SLC24A3: variants seen among roughly 807,000 people sequenced by gnomAD.
SLC24A3 encodes the protein solute carrier family 24 member 3.
Under a neutral mutation model 75.8 loss-of-function variants are expected in SLC24A3, and 28 were observed. That is an observed-to-expected ratio of 0.37 (90% CI 0.27 to 0.51). SLC24A3 has a LOEUF of 0.51. Ranked by LOEUF, SLC24A3 falls within the 20% of genes least tolerant of loss-of-function variation. The pLI, the probability that SLC24A3 is intolerant of heterozygous loss-of-function variation, is 0.94. For synonymous variants in SLC24A3, 372 were observed against 334.1 expected (o/e 1.11, Z -1.24); for missense variants, 663 against 847.8 (o/e 0.78, Z 2.71).
At chr20:19,397,647 C>CTTTTTTTT (rs3057518) in intron 2 of SLC24A3, among the ~76,000 whole-genome samples, 39 of 117,102 alleles carry the variant, frequency 3.3e-4, no homozygotes, top group Non-Finnish European at 6.6e-4. Flanking sequence ...TTTTTCTTTT[C>CTTTTTTTT]TTTTTTTTTT....
chr20:19,295,442 G>T (rs1984035682), intron 2 of SLC24A3, among the ~76,000 whole-genome samples: 1 of 152,194 alleles, frequency 6.6e-6, no homozygotes, highest in Non-Finnish European at 1.5e-5. Flanking sequence ...AGTTTTTAAG[G>T]GGAATGCTTC....
In SLC24A3 at chr20:19,668,066, T is replaced by C. The variant is rs114394644; in HGVS notation, c.713+2177T>C. 7.2e-3 allele frequency among the ~76,000 whole-genome samples: 1,063 copies of C among 148,194 alleles called. 17 individuals carry two copies. The highest frequency in any genetic ancestry group is 0.026 in the African/African-American group (1,009 of 38,470). Reference sequence around the variant, plus strand: ...ATCATAAGTCATGCACAGTTGTGGCTTCCAGGGAAGAATTGGCCTGGGGGG... The same window carrying C: ...ATCATAAGTCATGCACAGTTGTGGCCTCCAGGGAAGAATTGGCCTGGGGGG... On this transcript the variant is annotated intron_variant, in intron 8 of 16. Coordinates refer to ENST00000328041, the MANE Select transcript of SLC24A3 (RefSeq NM_020689.4).
intron 2 of SLC24A3, among the ~76,000 whole-genome samples, chr20:19,400,417 C>T (rs1354727147): frequency 1.3e-5 from 2 of 152,198 alleles, no homozygotes; most frequent in Non-Finnish European, 2.9e-5. Flanking sequence ...ACTCTACCCA[C>T]TGCCCCAGGA....
chr20:19,342,664 C>T (rs1385183857), intron 2 of SLC24A3, among the ~76,000 whole-genome samples: 1 of 152,182 alleles, frequency 6.6e-6, no homozygotes, highest in Non-Finnish European at 1.5e-5. Flanking sequence ...TTTTTATTTT[C>T]ATCTTTGTAT....
chr20:19,499,495 C>G (rs1988352890), intron 2 of SLC24A3, among the ~76,000 whole-genome samples: 1 of 152,194 alleles, frequency 6.6e-6, no homozygotes, highest in South Asian at 2.1e-4. Flanking sequence ...CTCTCCATCA[C>G]CCAGGCTGGA....
intron 2 of SLC24A3, among the ~76,000 whole-genome samples, chr20:19,364,375 C>T (rs1293981912): frequency 6.6e-6 from 1 of 152,054 alleles, no homozygotes; most frequent in African/African-American, 2.4e-5. Flanking sequence ...TCAGGGCAAC[C>T]TTATTTTTGC....
intron 6 of SLC24A3, among the ~76,000 whole-genome samples, chr20:19,603,460 G>T (rs115366468): frequency 1.3e-5 from 2 of 152,182 alleles, no homozygotes; most frequent in East Asian, 3.9e-4. Flanking sequence ...TGGTGCTCAC[G>T]TATCAAGTGG....
intron 1 of SLC24A3, among the ~76,000 whole-genome samples, chr20:19,252,789 T>C (rs1329546095): frequency 1.3e-5 from 2 of 152,152 alleles, no homozygotes; most frequent in African/African-American, 2.4e-5. Flanking sequence ...TCCCATGATA[T>C]AAACTTCTTG....
intron 2 of SLC24A3, among the ~76,000 whole-genome samples, chr20:19,325,795 T>TATATAGAGGG (rs1251419875): frequency 3.0e-5 from 2 of 67,782 alleles, no homozygotes; most frequent in Non-Finnish European, 5.6e-5. Flanking sequence ...TATATATATA[T>TATATAGAGGG]AGAGAGAGAG....
chr20:19,474,811 A>G (rs1006605169), intron 2 of SLC24A3, among the ~76,000 whole-genome samples: 1 of 152,122 alleles, frequency 6.6e-6, no homozygotes, highest in African/African-American at 2.4e-5. Context: ...TCTACAACAG[A>G]TCTTTAGAAC....
In SLC24A3 at chr20:19,474,830, C is replaced by T. The variant is rs1987935475; in HGVS notation, c.272-40658C>T. On this transcript the variant is annotated intron_variant, in intron 2 of 16. Transcript: ENST00000328041. ...CAACAGATCTTTAGAACATATTCCT[C>T]TTAACTGAAACTTTAAACCCTTTGA... Among the ~76,000 whole-genome samples, 3 of 152,304 alleles carry T rather than the reference C, an allele frequency of 2.0e-5. No homozygotes were observed. The South Asian group carries it at 6.2e-4, about 32-fold the overall frequency.
At chr20:19,370,432 G>A (rs977898241) in intron 2 of SLC24A3, among the ~76,000 whole-genome samples, 5 of 152,334 alleles carry the variant, frequency 3.3e-5, no homozygotes, top group African/African-American at 7.2e-5. Context: ...GAACTTTCAG[G>A]CACCCACAGC....
rs867200164 is a variant in SLC24A3 at position 19,577,024 on chromosome 20, A to G, written c.349-2976A>G. On this transcript the variant is annotated intron_variant, in intron 3 of 16. Transcript: ENST00000328041. The stretch of plus-strand genomic sequence containing the variant: ...ATTTTCTGATTTATTCCCAGGCTAC[A>G]AAGTACAGCAAGAATTATTCTTAAT... 2.8e-4 allele frequency among the ~76,000 whole-genome samples: 42 copies of G among 152,272 alleles called. No individual in the cohort carries two copies. In the Middle Eastern group the frequency reaches 0.01, roughly 37 times the overall value.
intron 6 of SLC24A3, among the ~76,000 whole-genome samples, chr20:19,616,580 G>A (rs963793428): frequency 6.6e-6 from 1 of 152,094 alleles, no homozygotes; most frequent in Non-Finnish European, 1.5e-5. Context: ...ACCAATGCTG[G>A]GGCCACCCAA....
Position 19,559,962 on chromosome 20 carries a change from G to A in SLC24A3, c.349-20038G>A, listed in dbSNP as rs1259631005. On this transcript the variant is annotated intron_variant, in intron 3 of 16. Transcript: ENST00000328041. ...TGACATGTAGCATTTGCAAATTTCC[G>A]TGGTGTAAATACTCACATGGCAAGT... Among the ~76,000 whole-genome samples the A allele has an allele frequency of 7.9e-5, 12 of 152,010 alleles. 1 individual carries two copies. The highest frequency in any genetic ancestry group is 4.1e-4 in the South Asian group (2 of 4,828).
chr20:19,465,144 G>A (rs1186876015), intron 2 of SLC24A3, among the ~76,000 whole-genome samples: 2 of 152,330 alleles, frequency 1.3e-5, no homozygotes, highest in East Asian at 3.9e-4. Flanking sequence ...CAGGCAGAGA[G>A]CATGAGAAGG....
intron 9 of SLC24A3, among the ~76,000 whole-genome samples, chr20:19,679,424 G>A (rs1470735177): frequency 6.6e-6 from 1 of 152,208 alleles, no homozygotes; most frequent in African/African-American, 2.4e-5. Context: ...AATCAGGCAG[G>A]GAGGTTGCAG....
intron 2 of SLC24A3, among the ~76,000 whole-genome samples, chr20:19,502,039 A>G (rs1042737341): frequency 6.6e-6 from 1 of 152,088 alleles, no homozygotes; most frequent in African/African-American, 2.4e-5. Context: ...AAAGTGAAGA[A>G]AACAAGCAGA....
intron 2 of SLC24A3, among the ~76,000 whole-genome samples, chr20:19,497,506 A>G (rs140180687): frequency 5.1e-4 from 78 of 152,298 alleles, no homozygotes; most frequent in African/African-American, 1.8e-3. Context: ...ATGTAATGCA[A>G]TTCCACATGT....
Sources: allele counts gnomAD v4.1 joint callset (sites outside exome capture counted in the v4.1 genomes callset), GRCh38; gene constraint gnomAD v4.1.1; transcripts MANE v1.5; gene names NCBI Gene and HGNC (gene_info 2026-07-23, HGNC 2026-07-21).